The following SMAP1 variants were observed in gnomAD, a reference collection of about 807,000 sequenced individuals.
SMAP1 encodes stromal membrane-associated protein 1.
SMAP1 carries 24 observed loss-of-function variants against 58.5 expected under a neutral mutation model. The observed-to-expected ratio is 0.41, with a 90% CI of 0.30 to 0.58. The LOEUF (loss-of-function observed/expected upper bound fraction) is 0.58. Ranked by LOEUF, SMAP1 falls within the 20% of genes least tolerant of loss-of-function variation. The pLI is 0.29. For missense variants in SMAP1, 563 were observed against 566.3 expected, an observed-to-expected ratio of 0.99 and a Z score of 0.06; for synonymous variants, 216 against 196.6, an observed-to-expected ratio of 1.10 and a Z score of -0.82.
At chr6:70,838,735 A>AG (rs1198481818) in intron 7 of SMAP1, among the ~76,000 whole-genome samples, 6 of 150,982 alleles carry the variant, frequency 4.0e-5, no homozygotes, top group Non-Finnish European at 5.9e-5. Flanking sequence ...GAGACAAGGA[A>AG]GGAGGGGGTA....
At chr6:70,691,802 T>C (rs1478019340) in intron 1 of SMAP1, among the ~76,000 whole-genome samples, 1 of 152,226 alleles carries the variant, frequency 6.6e-6, no homozygotes, top group African/African-American at 2.4e-5. Flanking sequence ...TTCGTTTTTA[T>C]TGCTGAATAT....
intron 3 of SMAP1, chr6:70,773,128 G>A: frequency 2.6e-6 from 1 of 384,036 alleles, no homozygotes; most frequent in African/African-American, 2.1e-5. Context: ...GAATTAGTTT[G>A]GATGAGTTTT....
rs147420924 is a variant in SMAP1, at chr6:70,793,232, G to A, written c.495+1463G>A. Among the ~76,000 whole-genome samples, 602 of 151,984 alleles carry A rather than the reference G, an allele frequency of 4.0e-3. 3 individuals are homozygous for A. Among genetic ancestry groups the A allele is most frequent in the African/African-American group, 0.014 (583 of 41,458 alleles). ...GTATTTTTAGTAGAGACAGGGTTTCGCCATGTTGGCCAGGATGGTCTCGAT... is the reference window on the plus strand; with the variant it reads ...GTATTTTTAGTAGAGACAGGGTTTCACCATGTTGGCCAGGATGGTCTCGAT... On this transcript the variant is annotated intron_variant, in intron 5 of 10. Coordinates refer to ENST00000370455, the MANE Select transcript of SMAP1 (RefSeq NM_001044305.3).
chr6:70,859,459 T>A (rs1771601670), intron 10 of SMAP1: 5 of 1,234,966 alleles, frequency 4.0e-6, no homozygotes, highest in Admixed American at 4.6e-5. Context: ...TATGCCTGAT[T>A]AGTGATGTAG....
intron 1 of SMAP1, among the ~76,000 whole-genome samples, chr6:70,677,020 G>A (rs928177339): frequency 2.6e-5 from 4 of 152,004 alleles, no homozygotes; most frequent in African/African-American, 7.2e-5. Flanking sequence ...CAAACTCATG[G>A]CCTCAAGCAA....
Position 70,726,874 on chromosome 6 carries a change from GGTGTGTGTGTGTGTGT to G in SMAP1, c.119-5479_119-5464del, listed in dbSNP as rs35977042. On this transcript the variant is annotated intron_variant, in intron 1 of 10. Coordinates refer to ENST00000370455, the MANE Select transcript of SMAP1 (RefSeq NM_001044305.3). ...CATGTAATATTATACAAATTTTAGGGGTGTGTGTGTGTGTGTGTGTGTGTGTGTGTGTGTGTGTGTA... is the reference window on the plus strand; with the variant it reads ...CATGTAATATTATACAAATTTTAGGGGTGTGTGTGTGTGTGTGTGTGTGTA... Among the ~76,000 whole-genome samples, 90 of 144,906 alleles carry G rather than the reference GGTGTGTGTGTGTGTGT, an allele frequency of 6.2e-4. 1 individual carries two copies. Among genetic ancestry groups the G allele is most frequent in the East Asian group, 1.8e-3 (9 of 4,938 alleles).
chr6:70,668,271 G>C, intron 1 of SMAP1, 130 bp downstream of exon 1: 2 of 898,102 alleles, frequency 2.2e-6, no homozygotes, highest in Non-Finnish European at 3.2e-6. Context: ...ACTGGAGGGC[G>C]GGTGGCTGAG....
At chr6:70,798,595 T>C in intron 5 of SMAP1, 62 bp from the exon 6 acceptor site, 2 of 1,271,396 alleles carry the variant, frequency 1.6e-6, no homozygotes, top group Non-Finnish European at 2.2e-6. Context: ...CTAATAAGGA[T>C]GAGTCAAAAA....
intron 4 of SMAP1, among the ~76,000 whole-genome samples, chr6:70,783,134 C>T (rs761774109): frequency 4.4e-4 from 67 of 152,236 alleles, no homozygotes; most frequent in African/African-American, 6.7e-4. Flanking sequence ...CATGAAAATC[C>T]GCTGTTCTAC....
At chr6:70,725,784 A>G (rs1232733116) in intron 1 of SMAP1, among the ~76,000 whole-genome samples, 2 of 152,232 alleles carry the variant, frequency 1.3e-5, no homozygotes, top group African/African-American at 4.8e-5. Flanking sequence ...ACCAAATCCA[A>G]TTCTTACTTC....
chr6:70,768,928 C>T (rs961610812), intron 3 of SMAP1, among the ~76,000 whole-genome samples: 3 of 151,910 alleles, frequency 2.0e-5, no homozygotes, highest in African/African-American at 7.3e-5. Flanking sequence ...TTGAATGTGT[C>T]CCAGAGATTC....
intron 4 of SMAP1, among the ~76,000 whole-genome samples, chr6:70,788,513 G>A (rs914001671): frequency 2.6e-5 from 4 of 151,816 alleles, no homozygotes; most frequent in Admixed American, 6.6e-5. Context: ...TAGGAGGTGC[G>A]TACTCCAGAC....
chr6:70,796,392 C>T (rs748663351), intron 5 of SMAP1, among the ~76,000 whole-genome samples: 3 of 152,134 alleles, frequency 2.0e-5, no homozygotes, highest in Non-Finnish European at 4.4e-5. Flanking sequence ...TTGCTTTGGG[C>T]ATTACTTCTT....
chr6:70,833,250 A>G (rs1770436940), intron 6 of SMAP1, among the ~76,000 whole-genome samples: 1 of 152,202 alleles, frequency 6.6e-6, no homozygotes, highest in Non-Finnish European at 1.5e-5. Context: ...TACAATTATC[A>G]GTGAAGAAGA....
intron 7 of SMAP1, among the ~76,000 whole-genome samples, chr6:70,846,193 A>G (rs955941536): frequency 7.2e-5 from 11 of 152,296 alleles, no homozygotes; most frequent in African/African-American, 2.4e-4. Flanking sequence ...TAGTGTCATT[A>G]TTTCACTTTT....
At chr6:70,846,247 C>T (rs1770984015) in intron 7 of SMAP1, among the ~76,000 whole-genome samples, 1 of 152,182 alleles carries the variant, frequency 6.6e-6, no homozygotes, top group Non-Finnish European at 1.5e-5. Context: ...TTGTTTTCCG[C>T]CATGGCTCTG....
At position 70,856,856 on chromosome 6, in the gene SMAP1, CAG is replaced by C. The variant is rs1490071023; in HGVS notation, c.790-2_790-1del. On this transcript the variant is annotated splice_acceptor_variant, in intron 8 of 10. Coordinates refer to ENST00000370455, the MANE Select transcript of SMAP1 (RefSeq NM_001044305.3). LOFTEE classifies it high-confidence loss of function. ...TGATAGCTTATTTTGGTGTTTGTCT[CAG>C]GGGACACCCTCTGCACCAGCAGCTG... 1.3e-6 allele frequency: 2 copies of C among 1,599,734 alleles called. No homozygotes were observed. The highest frequency in any genetic ancestry group is 2.2e-5 in the East Asian group (1 of 44,750).
Position 70,861,888 on chromosome 6 carries a change from A to AAGTC in SMAP1, c.*1557_*1560dup, listed in dbSNP as rs1391286319. The AAGTC allele has an allele frequency of 1.9e-6, 3 of 1,614,018 alleles. No homozygotes were observed. The East Asian group carries it at 6.7e-5, about 36-fold the overall frequency. ...TTCGACTGTTGTTATCTGTTTGAGA[A>AAGTC]AGTCAGATTCTTGCATCCCTGGCTG... On this transcript the variant is annotated 3_prime_UTR_variant, in exon 11 of 11. Coordinates refer to ENST00000370455, the MANE Select transcript of SMAP1 (RefSeq NM_001044305.3).
At chr6:70,833,133 C>G (rs530597480) in intron 6 of SMAP1, among the ~76,000 whole-genome samples, 11 of 152,106 alleles carry the variant, frequency 7.2e-5, no homozygotes, top group Non-Finnish European at 1.6e-4. Flanking sequence ...GTATTTGTTA[C>G]TCTATCTAGA....
Sources: gnomAD v4.1 joint callset for allele counts (sites outside exome capture counted in the v4.1 genomes callset) on GRCh38, gnomAD v4.1.1 for gene constraint, MANE v1.5 for transcripts, NCBI Gene and HGNC (gene_info 2026-07-23, HGNC 2026-07-21) for gene names.